Variants in AGBL3 observed in about 807,000 individuals in gnomAD.
AGBL3 encodes AGBL carboxypeptidase 3.
Under a neutral mutation model 94.5 loss-of-function variants are expected in AGBL3, and 68 were observed. That is an observed-to-expected ratio of 0.72 (90% CI 0.59 to 0.88). The LOEUF (loss-of-function observed/expected upper bound fraction) is 0.88. Ranked by LOEUF, AGBL3 falls within the 40% of genes least tolerant of loss-of-function variation. The pLI, the probability that AGBL3 is intolerant of heterozygous loss-of-function variation, is 0.00. For missense variants in AGBL3, 934 were observed against 1,103.8 expected (o/e 0.85, Z 2.18); for synonymous variants, 354 against 370.7 (o/e 0.95, Z 0.52).
intron 4 of AGBL3, 48 bp from the exon 5 acceptor site, chr7:135,017,004 G>T: frequency 8.1e-7 from 1 of 1,227,894 alleles, no homozygotes; most frequent in African/African-American, 1.5e-5. Context: ...AAATTTTTCT[G>T]TTTTATTTTG....
At chr7:135,067,492 T>C (rs1198244714) in intron 12 of AGBL3, among the ~76,000 whole-genome samples, 1 of 152,090 alleles carries the variant, frequency 6.6e-6, no homozygotes, top group Non-Finnish European at 1.5e-5. Flanking sequence ...CACCCCCCAG[T>C]AGGGGCAGAC....
intron 16 of AGBL3, chr7:135,129,100 A>C: frequency 1.3e-6 from 2 of 1,584,188 alleles, no homozygotes; most frequent in Non-Finnish European, 1.7e-6. Context: ...ACTACTGGTC[A>C]GGTCAAAGAG....
At chr7:135,013,872 T>C (rs1190190415) in intron 4 of AGBL3, among the ~76,000 whole-genome samples, 2 of 152,060 alleles carry the variant, frequency 1.3e-5, no homozygotes, top group Non-Finnish European at 2.9e-5. Context: ...AACTGGATGG[T>C]TGAAAGCGAG....
intron 7 of AGBL3, among the ~76,000 whole-genome samples, chr7:135,035,592 A>G (rs1420385966): frequency 2.0e-5 from 3 of 152,168 alleles, no homozygotes; most frequent in Non-Finnish European, 4.4e-5. Flanking sequence ...CTTTTTACCC[A>G]TAAAGATACC....
In AGBL3 at chr7:135,073,311, CA is replaced by C. The variant is rs996397392; in HGVS notation, c.1909-3077del. On this transcript the variant is annotated intron_variant, in intron 12 of 16. Transcript: ENST00000436302. ...TGAAACCCCGTCTCTACTAAAAATA[CA>C]AAAAAAAATTAGCTGGGTGTGGTGG... 6.6e-5 allele frequency among the ~76,000 whole-genome samples: 10 copies of C among 150,418 alleles called. No homozygotes were observed. In the South Asian group the frequency reaches 8.4e-4, roughly 13 times the overall value.
chr7:135,095,599 A>T (rs76771668), intron 15 of AGBL3, among the ~76,000 whole-genome samples: 1,968 of 152,354 alleles, frequency 0.013, 38 homozygotes, highest in African/African-American at 0.045. Flanking sequence ...AAAGGCAAGA[A>T]AATACAAAAG....
At chr7:135,039,424 G>C (rs145289842) in intron 8 of AGBL3, among the ~76,000 whole-genome samples, 42 of 151,676 alleles carry the variant, frequency 2.8e-4, no homozygotes, top group African/African-American at 1.0e-3. Context: ...AAAATGTATA[G>C]CAAGAAATGC....
chr7:135,030,173 A>AG (rs1374584322), intron 5 of AGBL3, among the ~76,000 whole-genome samples: 6 of 150,706 alleles, frequency 4.0e-5, no homozygotes, highest in Admixed American at 2.0e-4. Flanking sequence ...AAAAAAAAAA[A>AG]AAAGAAAGAA....
At chr7:135,104,071 C>T (rs1313213794) in intron 15 of AGBL3, among the ~76,000 whole-genome samples, 1 of 152,140 alleles carries the variant, frequency 6.6e-6, no homozygotes, top group Non-Finnish European at 1.5e-5. Context: ...TCCTCCCACC[C>T]TTCACCCTCA....
At chr7:135,015,145 T>G (rs551241377) in intron 4 of AGBL3, among the ~76,000 whole-genome samples, 2 of 152,328 alleles carry the variant, frequency 1.3e-5, no homozygotes, top group Admixed American at 6.5e-5. Context: ...GAATCCATGT[T>G]GATGTTTAAG....
At chr7:135,067,526 T>C (rs999850388) in intron 12 of AGBL3, among the ~76,000 whole-genome samples, 1 of 152,140 alleles carries the variant, frequency 6.6e-6, no homozygotes, top group African/African-American at 2.4e-5. Context: ...GGCCCGGTAC[T>C]CCTCTGAGAC....
chr7:135,126,556 A>G (rs974736944), intron 16 of AGBL3, among the ~76,000 whole-genome samples: 2 of 152,258 alleles, frequency 1.3e-5, no homozygotes, highest in Non-Finnish European at 2.9e-5. Flanking sequence ...TTCATATGGA[A>G]TCAAAGAAAA....
intron 15 of AGBL3, among the ~76,000 whole-genome samples, chr7:135,105,624 G>A (rs1466640554): frequency 6.6e-6 from 1 of 152,150 alleles, no homozygotes; most frequent in African/African-American, 2.4e-5. Context: ...TGCTGTTTTG[G>A]TTACTATAGC....
At chr7:135,030,172 AAAAAG>A (rs1409730175) in intron 5 of AGBL3, among the ~76,000 whole-genome samples, 1 of 151,236 alleles carries the variant, frequency 6.6e-6, no homozygotes, top group Non-Finnish European at 1.5e-5. Flanking sequence ...AAAAAAAAAA[AAAAAG>A]AAAGAAAAAA....
chr7:135,041,179 G>A (rs1172232449), intron 8 of AGBL3, among the ~76,000 whole-genome samples: 1 of 152,094 alleles, frequency 6.6e-6, no homozygotes, highest in Non-Finnish European at 1.5e-5. Context: ...ACTAAACACA[G>A]TAAAATATCA....
Position 135,044,122 on chromosome 7 carries a change from T to C in AGBL3, c.1598T>C (p.Met533Thr), listed in dbSNP as rs1311318255. The change falls in exon 9 of 17, where the codon ATG becomes ACG. Residue 533 changes from methionine (M) to threonine (T), a missense_variant. By Grantham distance (81) the Met-to-Thr change is moderately conservative (BLOSUM62 -1). Transcript: ENST00000436302. Reference sequence around the variant, plus strand: ...ATGGGAATCAGGAACAGCTTTACCATGGAGGCCACCTTCTGTGGATCTACT... The same window carrying C: ...ATGGGAATCAGGAACAGCTTTACCACGGAGGCCACCTTCTGTGGATCTACT... The part of the protein sequence containing the change: ...WKMGIRNSFT[M>T]EATFCGSTLG... The C allele has an allele frequency of 7.7e-6, 12 of 1,550,474 alleles. No homozygotes were observed. The highest frequency in any genetic ancestry group is 1.0e-5 in the Non-Finnish European group (12 of 1,146,164).
intron 12 of AGBL3, among the ~76,000 whole-genome samples, chr7:135,070,879 A>G (rs1819843020): frequency 6.6e-6 from 1 of 152,108 alleles, no homozygotes; most frequent in African/African-American, 2.4e-5. Flanking sequence ...TGGCCAGGGC[A>G]ATCAGGCAGG....
At chr7:135,011,417 T>C (rs1813138912) in intron 4 of AGBL3, 1 of 151,990 alleles carries the variant, frequency 6.6e-6, no homozygotes, top group Non-Finnish European at 1.5e-5. Flanking sequence ...ACTGATAAAT[T>C]TGACTACGAT....
intron 4 of AGBL3, among the ~76,000 whole-genome samples, chr7:135,009,394 G>C (rs748811209): frequency 6.6e-6 from 1 of 152,162 alleles, no homozygotes; most frequent in Non-Finnish European, 1.5e-5. Flanking sequence ...CAAATAATAT[G>C]ATTCTAATTA....
Sources: gnomAD v4.1 joint callset for allele counts (sites outside exome capture counted in the v4.1 genomes callset) on GRCh38, gnomAD v4.1.1 for gene constraint, MANE v1.5 for transcripts, NCBI Gene and HGNC (gene_info 2026-07-23, HGNC 2026-07-21) for gene names.